The following KCNJ16 variants were observed in gnomAD, a reference collection of about 807,000 sequenced individuals.
KCNJ16 encodes inward rectifier potassium channel 16.
KCNJ16 carries 15 observed loss-of-function variants against 18.5 expected under a neutral mutation model. The observed-to-expected ratio is 0.81, with a 90% CI of 0.54 to 1.25. The LOEUF (loss-of-function observed/expected upper bound fraction) is 1.25. Ranked by LOEUF, KCNJ16 falls within the 50% of genes most tolerant of loss-of-function variation. The pLI, the probability that KCNJ16 is intolerant of heterozygous loss-of-function variation, is 0.00. For missense variants in KCNJ16, 523 were observed against 525.7 expected (o/e 0.99, Z 0.05); for synonymous variants, 174 against 186.5 (o/e 0.93, Z 0.55).
At chr17:70,121,068 G>A (rs1421192022) in intron 2 of KCNJ16, among the ~76,000 whole-genome samples, 2 of 152,168 alleles carry the variant, frequency 1.3e-5, no homozygotes, top group East Asian at 3.9e-4. Context: ...GACAAAGTTT[G>A]TCTGGGTGTG....
At chr17:70,084,828 A>C (rs1222028342) in intron 1 of KCNJ16, among the ~76,000 whole-genome samples, 1 of 151,922 alleles carries the variant, frequency 6.6e-6, no homozygotes, top group East Asian at 1.9e-4. Context: ...CTTGATCACT[A>C]ATAATAATAA....
At position 70,110,858 on chromosome 17, in the gene KCNJ16, C is replaced by T. The variant is rs184626688; in HGVS notation, c.-191+10092C>T. Among the ~76,000 whole-genome samples the T allele has an allele frequency of 2.3e-3, 356 of 152,288 alleles. 4 individuals carry two copies. Among genetic ancestry groups the T allele is most frequent in the Middle Eastern group, 6.8e-3 (2 of 294 alleles). ...GAGCACCCCTCCCATGTCTCAGCTTCCTTTGACCTCTTTCCTTGCCGATGT... is the reference window on the plus strand; with the variant it reads ...GAGCACCCCTCCCATGTCTCAGCTTTCTTTGACCTCTTTCCTTGCCGATGT... On this transcript the variant is annotated intron_variant, in intron 2 of 3. Coordinates refer to ENST00000392671, the MANE Select transcript of KCNJ16 (RefSeq NM_170741.4).
intron 2 of KCNJ16, among the ~76,000 whole-genome samples, chr17:70,115,961 T>C (rs1845008789): frequency 6.6e-6 from 1 of 152,194 alleles, no homozygotes; most frequent in Non-Finnish European, 1.5e-5. Flanking sequence ...TAGATTGCTA[T>C]TGATTTGTTT....
At chr17:70,131,194 CAAAAAAAA>C (rs36047658) in intron 3 of KCNJ16, among the ~76,000 whole-genome samples, 2 of 85,806 alleles carry the variant, frequency 2.3e-5, no homozygotes, top group African/African-American at 6.8e-5. Flanking sequence ...CTGCCAGTGT[CAAAAAAAA>C]AAAAAAAGAA....
chr17:70,089,943 G>A (rs937520893), intron 1 of KCNJ16, among the ~76,000 whole-genome samples: 1 of 152,194 alleles, frequency 6.6e-6, no homozygotes, highest in African/African-American at 2.4e-5. Context: ...CTGCTGCTTT[G>A]AAAGAGGGGA....
At chr17:70,075,661 A>T (rs1265734130) in intron 1 of KCNJ16, among the ~76,000 whole-genome samples, 1 of 152,190 alleles carries the variant, frequency 6.6e-6, no homozygotes, top group Non-Finnish European at 1.5e-5. Flanking sequence ...CTTGCCTGCT[A>T]TTATATTTGT....
chr17:70,132,279 T>C lies in KCNJ16; in HGVS notation c.192T>C (p.Thr64=). Residue 64 remains threonine (T), a synonymous_variant, in exon 4 of 4, where the codon ACT becomes ACC. Coordinates refer to ENST00000392671, the MANE Select transcript of KCNJ16 (RefSeq NM_170741.4). ...GCTATGTGGTTGACATCTTCACCAC[T>C]CTTGTGGACACCAAGTGGCGCCATA... The part of the protein sequence containing the change: ...WGSYVVDIFT[T]LVDTKWRHMF... 6.2e-7 allele frequency: 1 copy of C among 1,614,242 alleles called. No individual in the cohort carries two copies. The highest frequency in any genetic ancestry group is 1.1e-5 in the South Asian group (1 of 91,088).
chr17:70,075,374 G>A lies in KCNJ16; in HGVS notation c.-316G>A, dbSNP rs2071258309. ...AGCACCTAGCTCATAGATTCTCTGT[G>A]GGGAGAGTGAATAAAGGTAAGTGCT... On this transcript the variant is annotated 5_prime_UTR_variant, in exon 1 of 4. Transcript: ENST00000392671. The A allele has an allele frequency of 6.6e-6, 1 of 152,154 alleles. No homozygotes were observed. The highest frequency in any genetic ancestry group is 1.9e-4 in the East Asian group (1 of 5,190). 9.4% of individuals were successfully genotyped at this position (152,154 alleles called of 1,614,324 possible). A position where few individuals can be genotyped will look rare whatever the true frequency, so the allele number is the denominator to read the frequency against.
chr17:70,079,183 T>C (rs12940346), intron 1 of KCNJ16, among the ~76,000 whole-genome samples: 40,656 of 151,994 alleles, frequency 0.27, 6,686 homozygotes, highest in East Asian at 0.51. Flanking sequence ...CTAGTAAGAG[T>C]TGACATTGCA....
intron 2 of KCNJ16, chr17:70,101,560 T>C (rs1421939857): frequency 6.6e-6 from 1 of 150,666 alleles, no homozygotes; most frequent in East Asian, 2.0e-4. Context: ...ATATCATTCT[T>C]GAGATAAACG....
chr17:70,105,144 A>G (rs1040869677), intron 2 of KCNJ16: 2 of 152,250 alleles, frequency 1.3e-5, no homozygotes, highest in Non-Finnish European at 2.9e-5. Context: ...TTTTAAGCTC[A>G]TCCTTTTTGC....
chr17:70,102,963 C>T (rs2072710722), intron 2 of KCNJ16, among the ~76,000 whole-genome samples: 1 of 151,450 alleles, frequency 6.6e-6, no homozygotes, highest in South Asian at 2.1e-4. Flanking sequence ...GAGACAGGGT[C>T]TCACTCTGCC....
chr17:70,135,110 CA>C lies in KCNJ16; in HGVS notation c.*1770del, dbSNP rs1279746344. 6.1e-6 allele frequency: 1 copy of C among 163,394 alleles called. No individual in the cohort carries two copies. The highest frequency in any genetic ancestry group is 2.5e-5 in the African/African-American group (1 of 40,274). The allele number at this position is 163,394 out of a possible 1,614,324, so 10.1% of individuals were successfully genotyped here. ...TTATGGATAAGAGATTTGTTCAGGTCAAAAGTTGCAAAACTGTTCTGAAGCT... is the reference window on the plus strand; with the variant it reads ...TTATGGATAAGAGATTTGTTCAGGTCAAAGTTGCAAAACTGTTCTGAAGCT... On this transcript the variant is annotated 3_prime_UTR_variant, in exon 4 of 4. Transcript: ENST00000392671.
intron 1 of KCNJ16, among the ~76,000 whole-genome samples, chr17:70,083,457 C>G (rs1272989593): frequency 6.6e-6 from 1 of 151,532 alleles, no homozygotes; most frequent in Non-Finnish European, 1.5e-5. Context: ...ATGGTGGTCT[C>G]AAAAGATTTT....
chr17:70,118,141 A>G (rs565051896), intron 2 of KCNJ16, among the ~76,000 whole-genome samples: 2 of 152,318 alleles, frequency 1.3e-5, no homozygotes, highest in East Asian at 1.9e-4. Context: ...GTCCATTCTT[A>G]CATTGCTATA....
chr17:70,103,758 T>C (rs1048922859), intron 2 of KCNJ16, among the ~76,000 whole-genome samples: 9 of 152,102 alleles, frequency 5.9e-5, no homozygotes, highest in Admixed American at 1.3e-4. Flanking sequence ...GACTAATATA[T>C]TGTCTCCTTG....
intron 1 of KCNJ16, among the ~76,000 whole-genome samples, chr17:70,089,287 T>C (rs552303339): frequency 1.3e-5 from 2 of 152,336 alleles, no homozygotes; most frequent in African/African-American, 4.8e-5. Context: ...AGGACTGTTC[T>C]ACAGCAGGAA....
At chr17:70,091,597 G>C (rs1330512133) in intron 1 of KCNJ16, among the ~76,000 whole-genome samples, 3 of 39,020 alleles carry the variant, frequency 7.7e-5, no homozygotes, top group African/African-American at 4.2e-4. Context: ...TTATCCCCCA[G>C]TACACATACA....
At chr17:70,101,521 C>G (rs1011236808) in intron 2 of KCNJ16, 2 of 152,144 alleles carry the variant, frequency 1.3e-5, no homozygotes, top group Non-Finnish European at 2.9e-5. Flanking sequence ...TTGTAAAAGA[C>G]TCAGACCTAT....
Sources: gnomAD v4.1 joint callset for allele counts (sites outside exome capture counted in the v4.1 genomes callset) on GRCh38, gnomAD v4.1.1 for gene constraint, MANE v1.5 for transcripts, NCBI Gene and HGNC (gene_info 2026-07-23, HGNC 2026-07-21) for gene names.